The following ANKHD1 variants were observed in gnomAD, a reference collection of about 807,000 sequenced individuals.
ANKHD1 encodes the protein ankyrin repeat and KH domain-containing protein 1.
In ANKHD1, 31 loss-of-function variants were observed where a neutral mutation model predicts 230.5. The ratio of observed to expected loss-of-function variants is 0.13; its 90% confidence interval spans 0.10 to 0.18. ANKHD1 has a LOEUF of 0.18. Ranked by LOEUF, ANKHD1 falls within the 10% of genes least tolerant of loss-of-function variation. ANKHD1 has a pLI of 1.00. For synonymous variants in ANKHD1, 1,074 were observed against 1,117.6 expected (o/e 0.96, Z 0.78); for missense variants, 2,256 against 3,071.3 (o/e 0.73, Z 6.27).
chr5:140,440,433 T>C (rs979719252), intron 4 of ANKHD1, among the ~76,000 whole-genome samples, 167 bp downstream of exon 4: 6 of 152,222 alleles, frequency 3.9e-5, no homozygotes, highest in Admixed American at 3.9e-4. Context: ...ACACAGTTTA[T>C]TTTGTTGCCG....
chr5:140,501,118 A>G (rs1371748789), intron 15 of ANKHD1, among the ~76,000 whole-genome samples: 3 of 142,176 alleles, frequency 2.1e-5, no homozygotes, highest in Non-Finnish European at 3.0e-5. Flanking sequence ...TTTTTTTGAG[A>G]CGGAGTCTCA....
chr5:140,449,661 C>CAA (rs1164180028), intron 7 of ANKHD1, among the ~76,000 whole-genome samples: 3 of 87,452 alleles, frequency 3.4e-5, no homozygotes, highest in Admixed American at 1.2e-4. Flanking sequence ...GACTCGGTCT[C>CAA]AAAAAAAAAA....
chr5:140,504,781 C>G, intron 15 of ANKHD1, 40 bp from the exon 16 acceptor site: 1 of 1,597,946 alleles, frequency 6.3e-7, no homozygotes, highest in East Asian at 2.2e-5. Context: ...TAACCTTACT[C>G]TTTTAAGTGG....
At chr5:140,524,036 G>A (rs745886819) in intron 24 of ANKHD1, 30 bp from the exon 25 acceptor site, 1 of 1,543,526 alleles carries the variant, frequency 6.5e-7, no homozygotes, top group South Asian at 1.3e-5. Context: ...CTGCCTTATT[G>A]GTAAAATTAT....
intron 10 of ANKHD1, among the ~76,000 whole-genome samples, chr5:140,471,097 G>C (rs1248506051): frequency 6.6e-6 from 1 of 152,090 alleles, no homozygotes; most frequent in East Asian, 1.9e-4. Context: ...AATGCTCCAT[G>C]AGCATTTCTT....
intron 2 of ANKHD1, among the ~76,000 whole-genome samples, chr5:140,437,377 T>A (rs972520482): frequency 1.3e-5 from 2 of 152,248 alleles, no homozygotes; most frequent in Non-Finnish European, 2.9e-5. Flanking sequence ...TAGAAAGTAT[T>A]ATCAATGGGT....
At chr5:140,415,379 C>G (rs1411062212) in intron 1 of ANKHD1, among the ~76,000 whole-genome samples, 1 of 144,652 alleles carries the variant, frequency 6.9e-6, no homozygotes, top group Admixed American at 6.9e-5. Flanking sequence ...GAGACTTCGT[C>G]TTAAGAAAAA....
At chr5:140,478,993 A>ATTTT (rs1751117671) in intron 10 of ANKHD1, among the ~76,000 whole-genome samples, 1 of 20,980 alleles carries the variant, frequency 4.8e-5, no homozygotes, top group Admixed American at 6.8e-4. Flanking sequence ...ATTTTTTTTA[A>ATTTT]TTTTTATTTA....
chr5:140,481,832 A>G (rs1751288961), intron 10 of ANKHD1, among the ~76,000 whole-genome samples: 1 of 152,060 alleles, frequency 6.6e-6, no homozygotes, highest in Non-Finnish European at 1.5e-5. Context: ...GAACTTTTCA[A>G]AGAAGCAGTA....
At chr5:140,412,415 C>A (rs954376079) in intron 1 of ANKHD1, among the ~76,000 whole-genome samples, 1 of 152,164 alleles carries the variant, frequency 6.6e-6, no homozygotes, top group African/African-American at 2.4e-5. Flanking sequence ...GCAGTGGCCT[C>A]CCAGAGGGCC....
At chr5:140,521,581 T>C (rs1753351314) in intron 24 of ANKHD1, among the ~76,000 whole-genome samples, 1 of 152,232 alleles carries the variant, frequency 6.6e-6, no homozygotes, top group Admixed American at 6.5e-5. Flanking sequence ...TAAAGATCCA[T>C]GATAGCTGCA....
chr5:140,406,201 G>T (rs1400725707), intron 1 of ANKHD1, among the ~76,000 whole-genome samples: 1 of 151,204 alleles, frequency 6.6e-6, no homozygotes, highest in African/African-American at 2.4e-5. Context: ...TCACGCCACT[G>T]CCCTCCAGGC....
intron 6 of ANKHD1, among the ~76,000 whole-genome samples, 168 bp from the exon 7 acceptor site, chr5:140,449,042 GT>G (rs1774502536): frequency 6.6e-6 from 1 of 152,126 alleles, no homozygotes. Flanking sequence ...AAAAAAGCCT[GT>G]ATATTGCTTT....
At chr5:140,533,428 C>T (rs963487938) in intron 29 of ANKHD1, among the ~76,000 whole-genome samples, 10 of 151,990 alleles carry the variant, frequency 6.6e-5, no homozygotes, top group Non-Finnish European at 1.3e-4. Flanking sequence ...GAAACCCCAT[C>T]TCTACTAAAA....
chr5:140,538,192 T>C lies in ANKHD1; in HGVS notation c.7335T>C (p.Asp2445=). The C allele has an allele frequency of 6.2e-7, 1 of 1,614,198 alleles. No individual in the cohort carries two copies. The highest frequency in any genetic ancestry group is 1.1e-5 in the South Asian group (1 of 91,080). The stretch of plus-strand genomic sequence containing the variant: ...AACATCAGCCAATGGAGAGAGATGA[T>C]TCTGGAATGGTAGCCCCCTCTAACA... ...FSQHQPMERD[D]SGMVAPSNIF... is the part of the protein sequence containing the mutation. Residue 2445 remains aspartate, a synonymous_variant, in exon 32 of 34, where the codon GAT becomes GAC. Coordinates refer to ENST00000360839, the MANE Select transcript of ANKHD1 (RefSeq NM_017747.3).
intron 7 of ANKHD1, among the ~76,000 whole-genome samples, chr5:140,457,685 C>T (rs1561752285): frequency 6.6e-6 from 1 of 152,016 alleles, no homozygotes; most frequent in Non-Finnish European, 1.5e-5. Context: ...AGGGGAACAT[C>T]ACACACCAGG....
Position 140,506,817 on chromosome 5 carries a change from C to A in ANKHD1, c.3409-18C>A. On this transcript the variant is annotated intron_variant, in intron 18 of 33. Coordinates refer to ENST00000360839, the MANE Select transcript of ANKHD1 (RefSeq NM_017747.3). The surrounding 1 kb of genome is among the most constrained non-coding windows in gnomAD (Gnocchi z 4.7). ...CCTTGGTGTAAACTCTCTTCTCTATCCATATTTTACTTTGTAGGTGGTAGA... is the reference window on the plus strand; with the variant it reads ...CCTTGGTGTAAACTCTCTTCTCTATACATATTTTACTTTGTAGGTGGTAGA... 1 of 1,613,648 alleles carries A rather than the reference C, an allele frequency of 6.2e-7. No homozygotes were observed. Among genetic ancestry groups the A allele is most frequent in the Non-Finnish European group, 8.5e-7 (1 of 1,179,904 alleles).
chr5:140,479,628 A>G (rs1343606104), intron 10 of ANKHD1, among the ~76,000 whole-genome samples: 6 of 151,268 alleles, frequency 4.0e-5, no homozygotes. Flanking sequence ...TTATATACAT[A>G]TATGTGTTCC....
intron 14 of ANKHD1, among the ~76,000 whole-genome samples, chr5:140,495,525 G>A (rs985964980): frequency 6.6e-6 from 1 of 152,162 alleles, no homozygotes; most frequent in African/African-American, 2.4e-5. Flanking sequence ...GATTACAGGC[G>A]TGAGCCACTG....
Sources: allele counts gnomAD v4.1 joint callset (sites outside exome capture counted in the v4.1 genomes callset), GRCh38; gene constraint gnomAD v4.1.1; non-coding constraint Gnocchi (gnomAD v3.1); transcripts MANE v1.5; gene names NCBI Gene and HGNC (gene_info 2026-07-23, HGNC 2026-07-21).